Variants in AAGAB observed in about 807,000 individuals in gnomAD.
AAGAB encodes the protein alpha and gamma adaptin binding protein, also known as alpha- and gamma-adaptin-binding protein p34.
Under a neutral mutation model 44.1 loss-of-function variants are expected in AAGAB, and 38 were observed. The ratio of observed to expected loss-of-function variants is 0.86; its 90% CI spans 0.67 to 1.13. The LOEUF is 1.13. AAGAB is among the 50% of genes most tolerant of loss of function. The probability of loss-of-function intolerance (pLI) is 0.00; values close to 1 mark genes in which losing one functional copy is unlikely to be tolerated. For synonymous variants in AAGAB, 131 were observed against 131.8 expected (o/e 0.99, Z 0.04); for missense variants, 450 against 373.8 (o/e 1.20, Z -1.68).
At chr15:67,241,070 C>CACACACACACA (rs951354602) in intron 1 of AAGAB, among the ~76,000 whole-genome samples, 3 of 148,628 alleles carry the variant, frequency 2.0e-5, no homozygotes, top group South Asian at 4.3e-4. Flanking sequence ...CACACACACA[C>CACACACACACA]ATTTTATCTA....
rs1257650796 is a variant in AAGAB at position 67,202,885 on chromosome 15, A to C, written c.884T>G (p.Phe295Cys). 26 of 1,613,980 alleles carry C rather than the reference A, an allele frequency of 1.6e-5. No homozygotes were observed. Among genetic ancestry groups the C allele is most frequent in the Non-Finnish European group, 2.2e-5 (26 of 1,179,970 alleles). ...KVHAEKVAKA[F>C]WMAIGGDRDE... ...TCTGTCTCCCCCGATTGCCATCCAG[A>C]ATGCTTTGGCCACCTGTGGAGAGAA... Residue 295 changes from phenylalanine to cysteine, a missense_variant, in exon 10 of 10, where the codon TTC becomes TGC. By Grantham distance (205) the Phe-to-Cys change is radical. Coordinates refer to ENST00000261880, the MANE Select transcript of AAGAB (RefSeq NM_024666.5).
chr15:67,210,095 T>C (rs554852804), intron 5 of AAGAB, among the ~76,000 whole-genome samples: 2 of 152,352 alleles, frequency 1.3e-5, no homozygotes, highest in East Asian at 1.9e-4. Context: ...ACAGCACTAA[T>C]GCTTTCATAG....
chr15:67,255,163 A>T, upstream of AAGAB: 1 of 596,084 alleles, frequency 1.7e-6, no homozygotes, highest in South Asian at 2.0e-5. Context: ...CAGAAGCAGG[A>T]CTTTCTGCCT....
At chr15:67,247,095 A>G (rs1014906969) in intron 1 of AAGAB, among the ~76,000 whole-genome samples, 4 of 152,152 alleles carry the variant, frequency 2.6e-5, no homozygotes, top group African/African-American at 7.2e-5. Flanking sequence ...TGGGAGGAAC[A>G]AACAACTCCG....
At chr15:67,223,509 C>CACATATACCA (rs1437436779) in intron 5 of AAGAB, among the ~76,000 whole-genome samples, 1 of 152,160 alleles carries the variant, frequency 6.6e-6, no homozygotes, top group Non-Finnish European at 1.5e-5. Context: ...CATGCTGGCT[C>CACATATACCA]TACCTCACAA....
At chr15:67,222,220 A>T (rs1282987773) in intron 5 of AAGAB, among the ~76,000 whole-genome samples, 1 of 131,400 alleles carries the variant, frequency 7.6e-6, no homozygotes, top group African/African-American at 2.9e-5. Context: ...TACTACATGC[A>T]TGCACGCGCA....
intron 5 of AAGAB, among the ~76,000 whole-genome samples, chr15:67,216,302 C>A (rs754039461): frequency 2.6e-5 from 4 of 151,580 alleles, no homozygotes; most frequent in Non-Finnish European, 5.9e-5. Flanking sequence ...ATTAGCTGGG[C>A]GTGGTGGCGT....
chr15:67,250,850 C>T (rs771487497), intron 1 of AAGAB, among the ~76,000 whole-genome samples: 42 of 152,054 alleles, frequency 2.8e-4, no homozygotes, highest in Non-Finnish European at 2.9e-5. Context: ...CACAGTGAAA[C>T]CCCGTCTCTA....
rs777645464 is a variant in AAGAB at position 67,209,484 on chromosome 15, G to A, written c.596C>T (p.Ser199Leu). Residue 199 changes from serine to leucine, a missense_variant, in exon 6 of 10, where the codon TCA becomes TTA. By Grantham distance (145) the Ser-to-Leu change is moderately radical. Transcript: ENST00000261880. ...TACCTCTGGGTGACAGGGATCTGCT[G>A]ACCCAATGCTATGGTTTGTTCCAGT... ...SLTGTNHSIGSADPCHPEQPH... is the reference protein window; with the variant it reads ...SLTGTNHSIGLADPCHPEQPH... 9 of 1,614,132 alleles carry A rather than the reference G, an allele frequency of 5.6e-6. No homozygotes were observed. In the East Asian group the frequency reaches 2.0e-4, roughly 36 times the overall value.
chr15:67,218,701 G>A (rs932721099), intron 5 of AAGAB, among the ~76,000 whole-genome samples: 2 of 152,106 alleles, frequency 1.3e-5, no homozygotes, highest in Admixed American at 1.3e-4. Context: ...GTCACATTTG[G>A]CAAAAAGCAT....
chr15:67,228,035 A>C (rs766488753), intron 5 of AAGAB, among the ~76,000 whole-genome samples: 5 of 152,246 alleles, frequency 3.3e-5, no homozygotes, highest in Non-Finnish European at 5.9e-5. Context: ...TCTTTTAAGA[A>C]TATTGTTTAG....
intron 1 of AAGAB, among the ~76,000 whole-genome samples, chr15:67,238,060 C>T (rs923140560): frequency 3.3e-5 from 5 of 152,062 alleles, no homozygotes; most frequent in African/African-American, 1.2e-4. Context: ...TTTCATCATG[C>T]AGTTAAGAGG....
chr15:67,210,515 CAA>C (rs1389837020), intron 5 of AAGAB, among the ~76,000 whole-genome samples: 9 of 95,970 alleles, frequency 9.4e-5, no homozygotes, highest in Admixed American at 1.1e-4. Context: ...GGCTCCGTCT[CAA>C]AAAAAAAAAA....
intron 5 of AAGAB, among the ~76,000 whole-genome samples, chr15:67,227,528 A>G (rs1964232376): frequency 6.6e-6 from 1 of 152,230 alleles, no homozygotes; most frequent in Admixed American, 6.5e-5. Context: ...AAAGGGGAGA[A>G]AATAAAAAAG....
intron 9 of AAGAB, among the ~76,000 whole-genome samples, chr15:67,203,199 G>A (rs1253733858): frequency 6.6e-6 from 1 of 152,168 alleles, no homozygotes; most frequent in African/African-American, 2.4e-5. Context: ...GATAAATTAT[G>A]ACACATATCA....
In AAGAB at chr15:67,207,143, C is replaced by T. The variant is rs145262640; in HGVS notation, c.715+1419G>A. On this transcript the variant is annotated intron_variant, in intron 7 of 9. Coordinates refer to ENST00000261880, the MANE Select transcript of AAGAB (RefSeq NM_024666.5). Reference sequence around the variant, plus strand: ...AAGCGAGATTGCGGTGAGCCGAGATCGTGCCACTGCACTCCACCCTGGGCA... The same window carrying T: ...AAGCGAGATTGCGGTGAGCCGAGATTGTGCCACTGCACTCCACCCTGGGCA... Among the ~76,000 whole-genome samples the T allele has an allele frequency of 5.9e-3, 899 of 152,316 alleles. 10 individuals carry two copies. The highest frequency in any genetic ancestry group is 0.021 in the African/African-American group (865 of 41,562).
At chr15:67,241,504 T>C (rs1477776145) in intron 1 of AAGAB, among the ~76,000 whole-genome samples, 1 of 152,180 alleles carries the variant, frequency 6.6e-6, no homozygotes, top group African/African-American at 2.4e-5. Flanking sequence ...CCCAACATTC[T>C]TCTTTCTTCC....
At chr15:67,240,296 T>C (rs1964565818) in intron 1 of AAGAB, among the ~76,000 whole-genome samples, 1 of 152,144 alleles carries the variant, frequency 6.6e-6, no homozygotes, top group African/African-American at 2.4e-5. Context: ...CCAGACTTCC[T>C]AGAAAAACCT....
intron 1 of AAGAB, among the ~76,000 whole-genome samples, chr15:67,241,671 T>C (rs1964603483): frequency 6.6e-6 from 1 of 152,146 alleles, no homozygotes; most frequent in African/African-American, 2.4e-5. Context: ...CAAATGGGGA[T>C]GAGAACACTC....
Sources: gnomAD v4.1 joint callset for allele counts (sites outside exome capture counted in the v4.1 genomes callset) on GRCh38, gnomAD v4.1.1 for gene constraint, MANE v1.5 for transcripts, NCBI Gene and HGNC (gene_info 2026-07-23, HGNC 2026-07-21) for gene names.